The following FAF1 variants were observed in gnomAD, a reference collection of about 807,000 sequenced individuals.
FAF1 encodes the protein Fas associated factor 1.
FAF1 carries 25 observed loss-of-function variants against 92.5 expected under a neutral mutation model. The observed-to-expected ratio is 0.27, with a 90% CI of 0.20 to 0.38. The LOEUF (loss-of-function observed/expected upper bound fraction) is 0.38, where lower values mean the gene tolerates loss of function less well. Among genes scored for constraint, FAF1 ranks in the 10% least tolerant of loss-of-function variants. The pLI is 1.00. For missense variants in FAF1, 636 were observed against 793.3 expected, an observed-to-expected ratio of 0.80 and a Z score of 2.38; for synonymous variants, 234 against 273.2, an observed-to-expected ratio of 0.86 and a Z score of 1.42.
chr1:50,958,161 T>A (rs561924869), intron 1 of FAF1, among the ~76,000 whole-genome samples: 6 of 152,020 alleles, frequency 3.9e-5, no homozygotes, highest in Admixed American at 6.5e-5. Flanking sequence ...AATTGAAAAA[T>A]TTTTTAAAAT....
At chr1:50,725,876 C>T (rs1215165377) in intron 6 of FAF1, among the ~76,000 whole-genome samples, 2 of 152,188 alleles carry the variant, frequency 1.3e-5, no homozygotes, top group African/African-American at 4.8e-5. Context: ...TTAAATGCAA[C>T]TTCACAACCC....
chr1:50,794,927 G>A (rs116779014), intron 3 of FAF1, among the ~76,000 whole-genome samples: 2,892 of 152,034 alleles, frequency 0.019, 50 homozygotes, highest in South Asian at 0.026. Context: ...GTGAGCCACC[G>A]TACCTGGCTA....
intron 18 of FAF1, among the ~76,000 whole-genome samples, chr1:50,448,367 G>A (rs1646253516): frequency 7.1e-6 from 1 of 141,758 alleles, no homozygotes; most frequent in South Asian, 2.3e-4. Flanking sequence ...TTATAAAATT[G>A]AGACCTTTTT....
chr1:50,810,130 C>T (rs1662363191), intron 2 of FAF1, among the ~76,000 whole-genome samples: 1 of 152,156 alleles, frequency 6.6e-6, no homozygotes, highest in Admixed American at 6.5e-5. Flanking sequence ...TGGTGCATGC[C>T]TGTAGTCCCA....
intron 7 of FAF1, among the ~76,000 whole-genome samples, chr1:50,672,805 G>A (rs1006142753): frequency 6.6e-6 from 1 of 152,044 alleles, no homozygotes; most frequent in African/African-American, 2.4e-5. Context: ...TACTTTTATT[G>A]TTTTTAATAA....
chr1:50,504,572 C>T (rs1034824597), intron 15 of FAF1, among the ~76,000 whole-genome samples: 6 of 152,034 alleles, frequency 3.9e-5, no homozygotes, highest in Non-Finnish European at 8.8e-5. Context: ...TGAACCATAC[C>T]TAAAGAGATC....
At chr1:50,518,550 C>T (rs1486001615) in intron 15 of FAF1, among the ~76,000 whole-genome samples, 2 of 151,986 alleles carry the variant, frequency 1.3e-5, no homozygotes, top group African/African-American at 4.8e-5. Flanking sequence ...ACGCCATTCT[C>T]CTGCCTCAGC....
intron 15 of FAF1, among the ~76,000 whole-genome samples, chr1:50,533,645 T>C (rs555461386): frequency 6.6e-6 from 1 of 152,290 alleles, no homozygotes; most frequent in South Asian, 2.1e-4. Context: ...ACCTAAAGGA[T>C]AGTCTATTAA....
intron 1 of FAF1, among the ~76,000 whole-genome samples, chr1:50,868,973 A>G (rs932310378): frequency 3.3e-5 from 5 of 152,128 alleles, no homozygotes; most frequent in African/African-American, 7.2e-5. Flanking sequence ...TACTTGTTCT[A>G]TTAATTACTG....
chr1:50,744,079 A>AG (rs1659496309), intron 5 of FAF1, among the ~76,000 whole-genome samples: 1 of 152,198 alleles, frequency 6.6e-6, no homozygotes, highest in South Asian at 2.1e-4. Flanking sequence ...AAAAAAAAAA[A>AG]GTGTGTAAAA....
At chr1:50,950,120 G>A (rs1375053122) in intron 1 of FAF1, among the ~76,000 whole-genome samples, 1 of 152,026 alleles carries the variant, frequency 6.6e-6, no homozygotes, top group Non-Finnish European at 1.5e-5. Context: ...GAATACAGGT[G>A]GGAGCCACCA....
chr1:50,506,753 C>T (rs1351514879), intron 15 of FAF1, among the ~76,000 whole-genome samples: 1 of 151,940 alleles, frequency 6.6e-6, no homozygotes, highest in Non-Finnish European at 1.5e-5. Flanking sequence ...TTATTTAATC[C>T]TCACATATGT....
intron 4 of FAF1, among the ~76,000 whole-genome samples, chr1:50,769,751 C>T (rs1323356937): frequency 1.3e-5 from 2 of 152,086 alleles, no homozygotes; most frequent in East Asian, 1.9e-4. Context: ...ACATGCTTCA[C>T]GTTAAAAACC....
intron 1 of FAF1, among the ~76,000 whole-genome samples, chr1:50,877,962 A>C (rs1644584174): frequency 1.3e-5 from 2 of 152,240 alleles, no homozygotes; most frequent in South Asian, 4.1e-4. Context: ...CTGCTGAAAC[A>C]ACCTGTTGTT....
At chr1:50,821,218 T>C (rs1377671671) in intron 2 of FAF1, among the ~76,000 whole-genome samples, 1 of 152,154 alleles carries the variant, frequency 6.6e-6, no homozygotes, top group Admixed American at 6.6e-5. Context: ...AAAAAATCTA[T>C]TTTGTTGTGT....
chr1:50,938,099 C>G (rs1645101832), intron 1 of FAF1, among the ~76,000 whole-genome samples: 1 of 152,220 alleles, frequency 6.6e-6, no homozygotes, highest in Non-Finnish European at 1.5e-5. Flanking sequence ...CATCTGTCTT[C>G]TCTGACCACA....
intron 18 of FAF1, among the ~76,000 whole-genome samples, chr1:50,453,875 G>C (rs1017623720): frequency 1.3e-5 from 2 of 152,144 alleles, no homozygotes; most frequent in Non-Finnish European, 2.9e-5. Flanking sequence ...CTCAGAGCTG[G>C]GGAGGGGAGT....
chr1:50,631,482 C>T (rs527928271), intron 8 of FAF1, among the ~76,000 whole-genome samples: 30 of 152,172 alleles, frequency 2.0e-4, no homozygotes, highest in Middle Eastern at 6.8e-3. Flanking sequence ...GTTTAAGTTA[C>T]CCTTATTTTA....
intron 15 of FAF1, among the ~76,000 whole-genome samples, chr1:50,502,315 G>C (rs1190907097): frequency 6.6e-6 from 1 of 152,200 alleles, no homozygotes; most frequent in African/African-American, 2.4e-5. Context: ...AAGGTTACAT[G>C]AGACTGCTCA....
Sources: gnomAD v4.1 joint callset for allele counts (sites outside exome capture counted in the v4.1 genomes callset) on GRCh38, gnomAD v4.1.1 for gene constraint, MANE v1.5 for transcripts, NCBI Gene and HGNC (gene_info 2026-07-23, HGNC 2026-07-21) for gene names.